The following TPSD1 variants were observed in gnomAD, a reference collection of about 807,000 sequenced individuals.
TPSD1 encodes the protein tryptase delta.
In TPSD1, 30 loss-of-function variants were observed where a neutral mutation model predicts 25.4. The observed-to-expected ratio is 1.18, with a 90% CI of 0.88 to 1.60. The LOEUF (loss-of-function observed/expected upper bound fraction) is 1.60. Among genes scored for constraint, TPSD1 ranks in the 40% most tolerant of loss-of-function variants. TPSD1 has a pLI of 0.00. For synonymous variants in TPSD1, 176 were observed against 149.4 expected (o/e 1.18, Z -1.30); for missense variants, 420 against 324.2 (o/e 1.30, Z -2.27).
In TPSD1 at chr16:1,258,200, G is replaced by T; in HGVS notation, c.662G>T (p.Ser221Ile). Residue 221 changes from serine (S) to isoleucine (I), a missense_variant, in exon 4 of 5, where the codon AGC (serine) becomes ATC (isoleucine). By Grantham distance (142) the Ser-to-Ile change is moderately radical (BLOSUM62 -2). Coordinates refer to ENST00000211076, the MANE Select transcript of TPSD1 (RefSeq NM_012217.3). ...CGCGATGACATGCTGTGTGCGGGGA[G>T]CGAAAATCACGACTCCTGCCAGGTG... ...IVRDDMLCAG[S>I]ENHDSCQGDS... 1.2e-6 allele frequency: 2 copies of T among 1,612,416 alleles called. No homozygotes were observed. The highest frequency in any genetic ancestry group is 2.2e-5 in the South Asian group (2 of 91,084).
At chr16:1,258,011 G>T (rs2141449231) in intron 3 of TPSD1, 48 bp from the exon 4 acceptor site, 1 of 1,540,568 alleles carries the variant, frequency 6.5e-7, no homozygotes, top group African/African-American at 1.4e-5. Flanking sequence ...CCACGAAGCA[G>T]CACCCAGCCG....
intron 3 of TPSD1, chr16:1,257,338 T>C: frequency 1.8e-6 from 1 of 545,500 alleles, no homozygotes; most frequent in Non-Finnish European, 3.3e-6. Context: ...ATCAAAAGTT[T>C]GTACGTCACG....
rs146265703 is a variant in TPSD1 at position 1,258,177 on chromosome 16, C to T, written c.639C>T (p.Arg213=). The change falls in exon 4 of 5, where the codon CGC becomes CGT. Residue 213 remains arginine, a synonymous_variant. Transcript: ENST00000211076. ...CGGGCCACAGCTTTCAAATCGTCCGCGATGACATGCTGTGTGCGGGGAGCG... is the reference window on the plus strand; with the variant it reads ...CGGGCCACAGCTTTCAAATCGTCCGTGATGACATGCTGTGTGCGGGGAGCG... ...LHTGHSFQIV[R]DDMLCAGSEN... 428 of 1,612,922 alleles carry T rather than the reference C, an allele frequency of 2.7e-4. 1 individual carries two copies. The African/African-American group carries it at 3.5e-3, about 13-fold the overall frequency.
At position 1,258,072 on chromosome 16, in the gene TPSD1, G is replaced by T. The variant is rs79166520; in HGVS notation, c.534G>T (p.Pro178=). The T allele has an allele frequency of 6.3e-7, 1 of 1,586,606 alleles. No individual in the cohort carries two copies. The highest frequency in any genetic ancestry group is 8.6e-7 in the Non-Finnish European group (1 of 1,167,352). ...CTCCGCCCCCAGTGCACCTGCCGCC[G>T]CCATACCCGCTGAAGGAGGTGGAAG... is the stretch of plus-strand genomic sequence containing the variant. ...GDVDNNVHLP[P]PYPLKEVEVP... Residue 178 remains proline, a synonymous_variant, in exon 4 of 5, where the codon CCG becomes CCT. Transcript: ENST00000211076.
rs751510540 is a variant in TPSD1 at position 1,256,585 on chromosome 16, G to A, written c.152G>A (p.Trp51Ter). The A allele has an allele frequency of 3.1e-6, 5 of 1,612,582 alleles. No individual in the cohort carries two copies. In the Admixed American group the frequency reaches 8.3e-5, roughly 27 times the overall value. The change falls in exon 2 of 5, where the codon TGG becomes TAG. Residue 51 changes from tryptophan to a stop codon, truncating the protein, a stop_gained. Coordinates refer to ENST00000211076, the MANE Select transcript of TPSD1 (RefSeq NM_012217.3). LOFTEE classifies it high-confidence loss of function. ...GQEAPRSKWP[W>*]QVSLRVRGPY... ...GAGGCCCCCAGGAGCAAGTGGCCCT[G>A]GCAGGTGAGCCTGAGAGTCCGCGGC...
At position 1,256,549 on chromosome 16, in the gene TPSD1, T is replaced by G. The variant is rs2030971351; in HGVS notation, c.116T>G (p.Val39Gly). 6.3e-7 allele frequency: 1 copy of G among 1,599,250 alleles called. No homozygotes were observed. The highest frequency in any genetic ancestry group is 8.5e-7 in the Non-Finnish European group (1 of 1,176,448). The change falls in exon 2 of 5, where the codon GTT becomes GGT. Residue 39 changes from valine to glycine, a missense_variant. Transcript: ENST00000211076. ...CAGGCCCTGCAGCAAACGGGCATTG[T>G]TGGGGGGCAGGAGGCCCCCAGGAGC... ...PGQALQQTGI[V>G]GGQEAPRSKW...
Position 1,256,255 on chromosome 16 carries a change from C to T in TPSD1, c.-26C>T. ...CCACAATCTGTAGCCCCCAGCCCTG[C>T]CCTGTGAGGCCCGGCCAGGCCCACG... is the stretch of plus-strand genomic sequence containing the variant. On this transcript the variant is annotated 5_prime_UTR_variant, in exon 1 of 5. Coordinates refer to ENST00000211076, the MANE Select transcript of TPSD1 (RefSeq NM_012217.3). 2 of 1,613,126 alleles carry T rather than the reference C, an allele frequency of 1.2e-6. No homozygotes were observed. Among genetic ancestry groups the T allele is most frequent in the South Asian group, 1.1e-5 (1 of 91,050 alleles).
chr16:1,258,431 G>T lies in TPSD1; in HGVS notation c.*55G>T, dbSNP rs2141449662. 1 of 1,613,774 alleles carries T rather than the reference G, an allele frequency of 6.2e-7. No homozygotes were observed. The highest frequency in any genetic ancestry group is 1.1e-5 in the South Asian group (1 of 91,080). On this transcript the variant is annotated 3_prime_UTR_variant, in exon 5 of 5. Coordinates refer to ENST00000211076, the MANE Select transcript of TPSD1 (RefSeq NM_012217.3). ...GAGCTGTGCCCAGCCCAACCGGCCT[G>T]GCATCTACACCCGTGTCACCTACTA...
rs755942604 is a variant in TPSD1, at chr16:1,256,916, C to A, written c.374C>A (p.Thr125Asn). 1 of 1,614,008 alleles carries A rather than the reference C, an allele frequency of 6.2e-7. No homozygotes were observed. Among genetic ancestry groups the A allele is most frequent in the Non-Finnish European group, 8.5e-7 (1 of 1,180,030 alleles). Residue 125 changes from threonine to asparagine, a missense_variant, in exon 3 of 5, where the codon ACC (threonine) becomes AAC (asparagine). By Grantham distance (65) the Thr-to-Asn change is moderately conservative. Coordinates refer to ENST00000211076, the MANE Select transcript of TPSD1 (RefSeq NM_012217.3). ...IVHPQFYIIQ[T>N]GADIALLELE... ...CACCCACAGTTCTACATCATCCAGA[C>A]CGGGGCGGACATCGCCCTGCTGGAG...
Position 1,258,341 on chromosome 16 carries a change from G to A in TPSD1, c.694G>A (p.Gly232Arg). 6.2e-7 allele frequency: 1 copy of A among 1,606,268 alleles called. No individual in the cohort carries two copies. Residue 232 changes from glycine to arginine, a missense_variant, in exon 5 of 5, where the codon GGA becomes AGA. Gly to Arg is a moderately radical substitution (Grantham distance 125). Coordinates refer to ENST00000211076, the MANE Select transcript of TPSD1 (RefSeq NM_012217.3). ...ENHDSCQGDS[G>R]GPLVCKVNGT ...CCTCTGACCTTCCCAGGGTGACTCT[G>A]GAGGGCCCCTGGTCTGCAAGGTGAA...
chr16:1,258,162 CT>C lies in TPSD1; in HGVS notation c.627del (p.Gln210LysfsTer30). ...YHTGLHTGHS[F>X]QIVRDDMLCA... Reference sequence around the variant, plus strand: ...ACACCGGCCTCCATACGGGCCACAGCTTTCAAATCGTCCGCGATGACATGCT... The same window carrying C: ...ACACCGGCCTCCATACGGGCCACAGCTTCAAATCGTCCGCGATGACATGCT... On this transcript the variant is annotated frameshift_variant, in exon 4 of 5. Transcript: ENST00000211076. LOFTEE classifies it high-confidence loss of function. 6.2e-7 allele frequency: 1 copy of C among 1,612,936 alleles called. No homozygotes were observed. The highest frequency in any genetic ancestry group is 8.5e-7 in the Non-Finnish European group (1 of 1,179,808).
rs574815128 is a variant in TPSD1, at chr16:1,258,536, G to A, written c.*160G>A. ...GTCCACCCGGGTCACTGGAGGGCCA[G>A]CCCCTCCTGTCCAAACCACCACTGC... On this transcript the variant is annotated 3_prime_UTR_variant, in exon 5 of 5. Coordinates refer to ENST00000211076, the MANE Select transcript of TPSD1 (RefSeq NM_012217.3). 2 of 1,596,248 alleles carry A rather than the reference G, an allele frequency of 1.3e-6. No individual in the cohort carries two copies. Among genetic ancestry groups the A allele is most frequent in the East Asian group, 4.5e-5 (2 of 44,756 alleles).
chr16:1,256,541 G>A lies in TPSD1; in HGVS notation c.108G>A (p.Thr36=), dbSNP rs752489445. The change falls in exon 2 of 5, where the codon ACG becomes ACA. Residue 36 remains threonine (T), a synonymous_variant. Coordinates refer to ENST00000211076, the MANE Select transcript of TPSD1 (RefSeq NM_012217.3). Reference sequence around the variant, plus strand: ...CCCCAGGCCAGGCCCTGCAGCAAACGGGCATTGTTGGGGGGCAGGAGGCCC... The same window carrying A: ...CCCCAGGCCAGGCCCTGCAGCAAACAGGCATTGTTGGGGGGCAGGAGGCCC... The part of the protein sequence containing the change: ...APAPGQALQQ[T]GIVGGQEAPR... The A allele has an allele frequency of 7.6e-5, 122 of 1,602,112 alleles. No individual in the cohort carries two copies. The highest frequency in any genetic ancestry group is 9.9e-5 in the Non-Finnish European group (116 of 1,177,358).
At position 1,256,360 on chromosome 16, in the gene TPSD1, C is replaced by T; in HGVS notation, c.80C>T (p.Pro27Leu). Residue 27 changes from proline to leucine, a missense_variant and splice_region_variant, in exon 1 of 5, where the codon CCT becomes CTT. Physicochemically the swap from Pro to Leu is moderately conservative, Grantham distance 98. Coordinates refer to ENST00000211076, the MANE Select transcript of TPSD1 (RefSeq NM_012217.3). ...CTGGCGAGCCCGGCCTACGTGGCCC[C>T]TGGTGAGTCCCAGCCGGGGTCCACC... is the stretch of plus-strand genomic sequence containing the variant. ...PVLASPAYVA[P>L]APGQALQQTG... is the part of the protein sequence containing the mutation. 6.2e-7 allele frequency: 1 copy of T among 1,612,924 alleles called. No homozygotes were observed. Among genetic ancestry groups the T allele is most frequent in the Non-Finnish European group, 8.5e-7 (1 of 1,179,662 alleles).
chr16:1,257,474 G>T (rs1406316833), intron 3 of TPSD1: 6 of 273,584 alleles, frequency 2.2e-5, no homozygotes, highest in African/African-American at 4.3e-5. Flanking sequence ...GGGAATCGGG[G>T]TCGTGGCAGT....
Position 1,258,556 on chromosome 16 carries a change from C to T in TPSD1, c.*180C>T. On this transcript the variant is annotated 3_prime_UTR_variant, in exon 5 of 5. Coordinates refer to ENST00000211076, the MANE Select transcript of TPSD1 (RefSeq NM_012217.3). ...GGCCAGCCCCTCCTGTCCAAACCAC[C>T]ACTGCTTCCTACCCAGGTGGTGACT... 1 of 1,574,312 alleles carries T rather than the reference C, an allele frequency of 6.4e-7. No individual in the cohort carries two copies. The highest frequency in any genetic ancestry group is 8.6e-7 in the Non-Finnish European group (1 of 1,157,000).
At position 1,258,394 on chromosome 16, in the gene TPSD1, C is replaced by T; in HGVS notation, c.*18C>T. The T allele has an allele frequency of 6.2e-7, 1 of 1,613,778 alleles. No homozygotes were observed. Among genetic ancestry groups the T allele is most frequent in the East Asian group, 2.2e-5 (1 of 44,872 alleles). Reference sequence around the variant, plus strand: ...GCACCTAACTGCAGGCGGGCGTGGTCAGCTGGGAGGAGAGCTGTGCCCAGC... The same window carrying T: ...GCACCTAACTGCAGGCGGGCGTGGTTAGCTGGGAGGAGAGCTGTGCCCAGC... On this transcript the variant is annotated 3_prime_UTR_variant, in exon 5 of 5. Coordinates refer to ENST00000211076, the MANE Select transcript of TPSD1 (RefSeq NM_012217.3).
chr16:1,256,537 A>T lies in TPSD1; in HGVS notation c.104A>T (p.Gln35Leu). The T allele has an allele frequency of 6.2e-7, 1 of 1,605,512 alleles. No individual in the cohort carries two copies. Among genetic ancestry groups the T allele is most frequent in the South Asian group, 1.1e-5 (1 of 90,764 alleles). Residue 35 changes from glutamine to leucine, a missense_variant, in exon 2 of 5, where the codon CAA becomes CTA. By Grantham distance (113) the Gln-to-Leu change is moderately radical. Coordinates refer to ENST00000211076, the MANE Select transcript of TPSD1 (RefSeq NM_012217.3). ...VAPAPGQALQ[Q>L]TGIVGGQEAP... The stretch of plus-strand genomic sequence containing the variant: ...CCAGCCCCAGGCCAGGCCCTGCAGC[A>T]AACGGGCATTGTTGGGGGGCAGGAG...
Position 1,256,547 on chromosome 16 carries a change from T to G in TPSD1, c.114T>G (p.Ile38Met), listed in dbSNP as rs2401934. 97 of 1,594,228 alleles carry G rather than the reference T, an allele frequency of 6.1e-5. No homozygotes were observed. The highest frequency in any genetic ancestry group is 2.1e-4 in the Admixed American group (12 of 57,310). ...GCCAGGCCCTGCAGCAAACGGGCAT[T>G]GTTGGGGGGCAGGAGGCCCCCAGGA... ...APGQALQQTG[I>M]VGGQEAPRSK... The change falls in exon 2 of 5, where the codon ATT (isoleucine) becomes ATG (methionine). Residue 38 changes from isoleucine (I) to methionine (M), a missense_variant. Physicochemically the swap from Ile to Met is conservative, Grantham distance 10. Coordinates refer to ENST00000211076, the MANE Select transcript of TPSD1 (RefSeq NM_012217.3).
Sources: allele counts gnomAD v4.1 joint callset, GRCh38; gene constraint gnomAD v4.1.1; transcripts MANE v1.5; gene names NCBI Gene and HGNC (gene_info 2026-07-23, HGNC 2026-07-21).